TCF12: variants seen among roughly 807,000 people sequenced by gnomAD.
TCF12 encodes DNA-binding protein HTF4.
In TCF12, 45 loss-of-function variants were observed where a neutral mutation model predicts 86.0. The ratio of observed to expected loss-of-function variants is 0.52; its 90% CI spans 0.41 to 0.67. The LOEUF (loss-of-function observed/expected upper bound fraction) is 0.67. Ranked by LOEUF, TCF12 falls within the 30% of genes least tolerant of loss-of-function variation. The pLI, the probability that TCF12 is intolerant of heterozygous loss-of-function variation, is 0.00. For missense variants in TCF12, 881 were observed against 859.9 expected, an observed-to-expected ratio of 1.02 and a Z score of -0.31; for synonymous variants, 330 against 299.6, an observed-to-expected ratio of 1.10 and a Z score of -1.05.
intron 5 of TCF12, among the ~76,000 whole-genome samples, chr15:57,133,455 G>A (rs932116869): frequency 1.4e-4 from 21 of 152,184 alleles, no homozygotes; most frequent in African/African-American, 5.1e-4. Flanking sequence ...ACTCCAGAGA[G>A]CCTGCCCCCT....
intron 12 of TCF12, among the ~76,000 whole-genome samples, chr15:57,239,515 C>CAAAAAAAAAAAAAA (rs67591734): frequency 4.7e-5 from 5 of 107,160 alleles, no homozygotes; most frequent in African/African-American, 8.4e-5. Flanking sequence ...GACTCCATCT[C>CAAAAAAAAAAAAAA]AAAAAAAAAA....
intron 5 of TCF12, among the ~76,000 whole-genome samples, chr15:57,159,022 T>A (rs920353755): frequency 6.6e-5 from 10 of 152,222 alleles, no homozygotes; most frequent in Non-Finnish European, 1.3e-4. Flanking sequence ...TCAATTAAGA[T>A]CCTTTTTAGA....
At chr15:56,924,323 T>G (rs1445378721) in intron 3 of TCF12, among the ~76,000 whole-genome samples, 1 of 152,218 alleles carries the variant, frequency 6.6e-6, no homozygotes, top group Admixed American at 6.5e-5. Flanking sequence ...CTTTTGTAAC[T>G]GCATCCACTT....
In TCF12 at chr15:57,135,598, C is replaced by A. The variant is rs184080429; in HGVS notation, c.326-30804C>A. ...GTAATGCTTATTAAATAGTAGCCCT[C>A]TCTGAGATGAATTGGATTTGTAAGA... On this transcript the variant is annotated intron_variant, in intron 5 of 20. Transcript: ENST00000333725. 9.2e-5 allele frequency among the ~76,000 whole-genome samples: 14 copies of A among 152,208 alleles called. No individual in the cohort carries two copies. In the East Asian group the frequency reaches 2.5e-3, roughly 27 times the overall value.
At chr15:57,254,762 G>A (rs2060267399) in intron 16 of TCF12, among the ~76,000 whole-genome samples, 1 of 151,436 alleles carries the variant, frequency 6.6e-6, no homozygotes, top group Admixed American at 6.6e-5. Context: ...GAAGGTTTAG[G>A]TGGGAGGATC....
chr15:56,994,228 G>A (rs1295816076), intron 3 of TCF12, among the ~76,000 whole-genome samples: 3 of 152,210 alleles, frequency 2.0e-5, no homozygotes, highest in East Asian at 1.9e-4. Context: ...ATTGAACAGA[G>A]CCTTAGGATA....
intron 2 of TCF12, among the ~76,000 whole-genome samples, chr15:56,920,487 C>CACGTGTGT (rs3223202): frequency 1.2e-4 from 18 of 146,960 alleles, no homozygotes; most frequent in East Asian, 4.2e-4. Context: ...CACACACACA[C>CACGTGTGT]GTGTGTGTGT....
At chr15:56,949,200 C>T (rs920664844) in intron 3 of TCF12, among the ~76,000 whole-genome samples, 3 of 152,046 alleles carry the variant, frequency 2.0e-5, no homozygotes, top group Non-Finnish European at 2.9e-5. Context: ...TTACTCTGTA[C>T]GCTAATTAAG....
chr15:57,087,002 G>A (rs2048680079), intron 4 of TCF12, among the ~76,000 whole-genome samples: 2 of 151,572 alleles, frequency 1.3e-5, no homozygotes, highest in African/African-American at 4.9e-5. Context: ...AATACTAGGT[G>A]TGTTCTCTCC....
At chr15:57,240,879 CAAA>C (rs68154303) in intron 12 of TCF12, among the ~76,000 whole-genome samples, 14 of 65,692 alleles carry the variant, frequency 2.1e-4, no homozygotes, top group East Asian at 8.6e-4. Flanking sequence ...GACCCTGTCT[CAAA>C]AAAAAAAAAA....
rs752311123 is a variant in TCF12, at chr15:57,286,833, TG to T, written c.*689del. ...ATTTTCTCTTTGTGGGTGTTATATT[TG>T]ATCTCTAAATCTGAACAGTTTATGG... On this transcript the variant is annotated 3_prime_UTR_variant, in exon 21 of 21. Transcript: ENST00000333725. 8.5e-5 allele frequency: 32 copies of T among 374,580 alleles called. No individual in the cohort carries two copies. The highest frequency in any genetic ancestry group is 1.4e-4 in the Non-Finnish European group (26 of 191,296). The allele number at this position is 374,580 out of a possible 1,614,324, so 23.2% of individuals were successfully genotyped here.
At chr15:57,111,274 T>C (rs567532720) in intron 5 of TCF12, among the ~76,000 whole-genome samples, 12 of 152,324 alleles carry the variant, frequency 7.9e-5, no homozygotes, top group African/African-American at 2.9e-4. Context: ...CAAACTCTTA[T>C]GAAAACATAG....
intron 6 of TCF12, among the ~76,000 whole-genome samples, chr15:57,184,952 CT>C (rs1567586449): frequency 1.3e-5 from 2 of 152,082 alleles, no homozygotes; most frequent in African/African-American, 4.8e-5. Flanking sequence ...ATCATTTCTT[CT>C]GGAGGTTATT....
At chr15:57,259,578 G>A (rs1234647955) in intron 16 of TCF12, among the ~76,000 whole-genome samples, 1 of 152,242 alleles carries the variant, frequency 6.6e-6, no homozygotes, top group African/African-American at 2.4e-5. Context: ...TACATAGATT[G>A]TGAAGATTGA....
chr15:56,973,984 A>G (rs377611688), intron 3 of TCF12, among the ~76,000 whole-genome samples: 21 of 152,300 alleles, frequency 1.4e-4, no homozygotes, highest in African/African-American at 2.4e-4. Context: ...AAGTATGTCA[A>G]TATCATGAAA....
intron 5 of TCF12, among the ~76,000 whole-genome samples, chr15:57,123,262 A>G (rs531860528): frequency 1.3e-5 from 2 of 152,324 alleles, no homozygotes; most frequent in African/African-American, 2.4e-5. Context: ...GGCTTTTGCA[A>G]TAGAAAGTAT....
chr15:57,047,480 A>G (rs1425603729), intron 3 of TCF12, among the ~76,000 whole-genome samples: 5 of 152,216 alleles, frequency 3.3e-5, no homozygotes, highest in African/African-American at 1.2e-4. Context: ...GTGGTTTAAT[A>G]AGGATTCTTA....
At chr15:57,027,645 A>T (rs1348194161) in intron 3 of TCF12, among the ~76,000 whole-genome samples, 5 of 151,994 alleles carry the variant, frequency 3.3e-5, no homozygotes, top group African/African-American at 1.2e-4. Context: ...TGCTTTTTTA[A>T]AGTGATCGTA....
intron 6 of TCF12, among the ~76,000 whole-genome samples, chr15:57,187,866 G>A (rs1176666408): frequency 6.6e-6 from 1 of 152,116 alleles, no homozygotes; most frequent in Non-Finnish European, 1.5e-5. Flanking sequence ...GGAGGTGGAG[G>A]TTGCAGTGAG....
Sources: allele counts gnomAD v4.1 joint callset (sites outside exome capture counted in the v4.1 genomes callset), GRCh38; gene constraint gnomAD v4.1.1; transcripts MANE v1.5; gene names NCBI Gene and HGNC (gene_info 2026-07-23, HGNC 2026-07-21).